The following SIL1 variants were observed in gnomAD, a reference collection of about 807,000 sequenced individuals.
SIL1 encodes SIL1 nucleotide exchange factor.
In SIL1, 40 loss-of-function variants were observed where a neutral mutation model predicts 49.1. The ratio of observed to expected loss-of-function variants is 0.81; its 90% confidence interval spans 0.63 to 1.06. The LOEUF is 1.06. Among genes scored for constraint, SIL1 ranks in the 50% least tolerant of loss-of-function variants. The probability of loss-of-function intolerance (pLI) is 0.00; values close to 1 mark genes in which losing one functional copy is unlikely to be tolerated. For synonymous variants in SIL1, 253 were observed against 250.8 expected (o/e 1.01, Z -0.08); for missense variants, 500 against 572.6 (o/e 0.87, Z 1.29).
chr5:139,013,167 C>T (rs2150421720), intron 7 of SIL1, among the ~76,000 whole-genome samples: 1 of 152,206 alleles, frequency 6.6e-6, no homozygotes, highest in South Asian at 2.1e-4. Context: ...ATCACCTGTC[C>T]CCAATATTTC....
intron 2 of SIL1, 121 bp from the exon 3 acceptor site, chr5:139,121,294 T>C: frequency 1.5e-6 from 2 of 1,368,776 alleles, no homozygotes. Context: ...GCCTGATATG[T>C]CTGGACACTC....
chr5:139,049,674 C>T (rs1409224944), intron 4 of SIL1, among the ~76,000 whole-genome samples: 1 of 151,914 alleles, frequency 6.6e-6, no homozygotes, highest in Non-Finnish European at 1.5e-5. Context: ...CACCTGTAGC[C>T]CCAGCCTACT....
intron 1 of SIL1, among the ~76,000 whole-genome samples, chr5:139,153,773 A>C (rs369817853): frequency 6.6e-5 from 10 of 152,234 alleles, no homozygotes; most frequent in African/African-American, 2.4e-4. Context: ...ATAAACAAAT[A>C]ATCACCACAT....
At chr5:139,004,916 A>G (rs1329423330) in intron 7 of SIL1, among the ~76,000 whole-genome samples, 1 of 152,222 alleles carries the variant, frequency 6.6e-6, no homozygotes, top group Non-Finnish European at 1.5e-5. Context: ...TTATCTCATA[A>G]AAGTAGAGTA....
chr5:139,149,659 A>T (rs10079239), intron 1 of SIL1, among the ~76,000 whole-genome samples: 71,014 of 152,096 alleles, frequency 0.47, 16,858 homozygotes, highest in South Asian at 0.56. Flanking sequence ...AGATGGGGTC[A>T]GGGAGGACTT....
intron 7 of SIL1, among the ~76,000 whole-genome samples, chr5:138,952,832 G>C (rs772095755): frequency 6.6e-6 from 1 of 152,260 alleles, no homozygotes; most frequent in African/African-American, 2.4e-5. Flanking sequence ...CCATGCAGGG[G>C]ACAAGGCCGG....
intron 1 of SIL1, among the ~76,000 whole-genome samples, chr5:139,135,183 C>T (rs1750947472): frequency 6.6e-6 from 1 of 152,178 alleles, no homozygotes; most frequent in African/African-American, 2.4e-5. Flanking sequence ...AATGTGGCTT[C>T]TAACTAGTCC....
At chr5:139,187,449 A>T (rs978339987) in intron 1 of SIL1, among the ~76,000 whole-genome samples, 1 of 151,750 alleles carries the variant, frequency 6.6e-6, no homozygotes, top group African/African-American at 2.4e-5. Flanking sequence ...CCCGGGAGGC[A>T]GAGGTTGCAA....
intron 4 of SIL1, among the ~76,000 whole-genome samples, chr5:139,047,641 T>C (rs1346541883): frequency 6.6e-6 from 1 of 152,266 alleles, no homozygotes; most frequent in Non-Finnish European, 1.5e-5. Context: ...GACCCTGCCC[T>C]TAGGCCTCTG....
intron 6 of SIL1, among the ~76,000 whole-genome samples, chr5:139,023,323 C>T (rs1225429205): frequency 1.3e-5 from 2 of 152,056 alleles, no homozygotes; most frequent in Non-Finnish European, 2.9e-5. Context: ...AGGCTGCCTT[C>T]GGGGTGGGGT....
chr5:139,031,646 T>C (rs1472167659), intron 5 of SIL1, among the ~76,000 whole-genome samples: 2 of 152,228 alleles, frequency 1.3e-5, no homozygotes, highest in African/African-American at 4.8e-5. Context: ...AAAAAAATCC[T>C]GCTGAAATTT....
At chr5:138,991,871 T>A (rs183334886) in intron 7 of SIL1, among the ~76,000 whole-genome samples, 41 of 152,312 alleles carry the variant, frequency 2.7e-4, no homozygotes, top group African/African-American at 8.9e-4. Flanking sequence ...AGAAGGGGCT[T>A]GATCCAAAAA....
chr5:139,059,821 C>CTCACTTTACTT lies in SIL1; in HGVS notation c.245-8776_245-8775insAAGTAAAGTGA, dbSNP rs1255285946. 2.5e-4 allele frequency among the ~76,000 whole-genome samples: 38 copies of CTCACTTTACTT among 152,276 alleles called. No homozygotes were observed. In the East Asian group the frequency reaches 3.1e-3, roughly 12 times the overall value. On this transcript the variant is annotated intron_variant, in intron 3 of 9. Transcript: ENST00000394817. ...CAGATTCCAATCTAATACACGGGCT[C>CTCACTTTACTT]ATTTGTCTTCTCACTTTACTTATTT... is the stretch of plus-strand genomic sequence containing the variant.
chr5:138,971,087 C>A (rs1308559296), intron 7 of SIL1, among the ~76,000 whole-genome samples: 9 of 152,126 alleles, frequency 5.9e-5, no homozygotes, highest in Non-Finnish European at 2.9e-5. Flanking sequence ...TTAACAGCCT[C>A]ACCACACCAT....
At chr5:139,057,793 C>G (rs574844157) in intron 3 of SIL1, among the ~76,000 whole-genome samples, 1 of 152,198 alleles carries the variant, frequency 6.6e-6, no homozygotes, top group Non-Finnish European at 1.5e-5. Flanking sequence ...GCTCACAATT[C>G]TGGAGACTGG....
intron 1 of SIL1, among the ~76,000 whole-genome samples, chr5:139,140,036 C>A (rs1235445183): frequency 6.6e-6 from 1 of 150,482 alleles, no homozygotes; most frequent in Non-Finnish European, 1.5e-5. Context: ...TTTGGGAGGC[C>A]GAGGCAGGTG....
chr5:139,021,886 A>C (rs551436347), intron 6 of SIL1: 2 of 186,742 alleles, frequency 1.1e-5, no homozygotes, highest in East Asian at 2.7e-4. Flanking sequence ...CGCTCTCCCA[A>C]AGGTTTCTGT....
At chr5:139,064,253 G>A (rs1206812921) in intron 3 of SIL1, among the ~76,000 whole-genome samples, 1 of 152,068 alleles carries the variant, frequency 6.6e-6, no homozygotes, top group Non-Finnish European at 1.5e-5. Context: ...ATGAAAAGGG[G>A]AAAAAAATCC....
At chr5:139,093,147 C>T (rs568315295) in intron 3 of SIL1, among the ~76,000 whole-genome samples, 44 of 152,284 alleles carry the variant, frequency 2.9e-4, no homozygotes, top group Non-Finnish European at 5.1e-4. Flanking sequence ...CCACAAAAGG[C>T]AAGTTCAGCC....
Sources: gnomAD v4.1 joint callset for allele counts (sites outside exome capture counted in the v4.1 genomes callset) on GRCh38, gnomAD v4.1.1 for gene constraint, MANE v1.5 for transcripts, NCBI Gene and HGNC (gene_info 2026-07-23, HGNC 2026-07-21) for gene names.